Variants in RABGAP1L observed in about 807,000 individuals in gnomAD.
RABGAP1L encodes rab GTPase-activating protein 1-like.
A neutral mutation model predicts 137.7 loss-of-function variants in RABGAP1L; 63 were observed. The ratio of observed to expected loss-of-function variants is 0.46; its 90% confidence interval spans 0.37 to 0.56. The LOEUF (loss-of-function observed/expected upper bound fraction) is 0.56, where lower values mean the gene tolerates loss of function less well. Among genes scored for constraint, RABGAP1L ranks in the 20% least tolerant of loss-of-function variants. The pLI, the probability that RABGAP1L is intolerant of heterozygous loss-of-function variation, is 0.00. For missense variants in RABGAP1L, 1,095 were observed against 1,244.0 expected (o/e 0.88, Z 1.80); for synonymous variants, 431 against 433.7 (o/e 0.99, Z 0.08).
chr1:174,888,322 C>A (rs1331235797), intron 19 of RABGAP1L, among the ~76,000 whole-genome samples: 1 of 152,082 alleles, frequency 6.6e-6, no homozygotes, highest in Non-Finnish European at 1.5e-5. Context: ...TTTTTTCCAT[C>A]TAAGTTCAAT....
chr1:174,417,257 A>C (rs1007695281), intron 13 of RABGAP1L, among the ~76,000 whole-genome samples: 4 of 152,176 alleles, frequency 2.6e-5, no homozygotes, highest in African/African-American at 9.6e-5. Context: ...TTATGAAGCC[A>C]ATTTGAATTG....
intron 18 of RABGAP1L, among the ~76,000 whole-genome samples, chr1:174,789,988 A>C (rs1687728639): frequency 6.6e-6 from 1 of 152,110 alleles, no homozygotes; most frequent in Admixed American, 6.6e-5. Context: ...TGTGCAGAGC[A>C]CTGGAGGCCA....
chr1:174,662,614 G>A (rs950785403), intron 14 of RABGAP1L, among the ~76,000 whole-genome samples: 2 of 151,888 alleles, frequency 1.3e-5, no homozygotes, highest in Non-Finnish European at 2.9e-5. Context: ...GGCTGGTCTC[G>A]AACTCCTGAC....
intron 11 of RABGAP1L, among the ~76,000 whole-genome samples, chr1:174,351,609 C>T (rs1683196151): frequency 6.6e-6 from 1 of 152,034 alleles, no homozygotes; most frequent in Non-Finnish European, 1.5e-5. Flanking sequence ...TTATTCTTGA[C>T]CTTTGGGTGT....
intron 19 of RABGAP1L, among the ~76,000 whole-genome samples, chr1:174,846,576 A>G (rs1466444916): frequency 1.2e-5 from 1 of 80,340 alleles, no homozygotes; most frequent in Non-Finnish European, 3.3e-5. Flanking sequence ...GTTTGATTGC[A>G]CTGTGGTCTG....
chr1:174,899,590 A>G (rs1657805229), intron 19 of RABGAP1L, among the ~76,000 whole-genome samples: 2 of 152,138 alleles, frequency 1.3e-5, no homozygotes, highest in African/African-American at 4.8e-5. Flanking sequence ...CCCTGAGAGG[A>G]TCATGTCTAG....
At chr1:174,638,176 A>G (rs745886404) in intron 14 of RABGAP1L, among the ~76,000 whole-genome samples, 2 of 152,198 alleles carry the variant, frequency 1.3e-5, no homozygotes, top group Admixed American at 6.5e-5. Context: ...TGAATAATGA[A>G]CTGCACAAAA....
rs1225304989 is a variant in RABGAP1L at position 174,195,727 on chromosome 1, TTTC to T, written c.-33-23395_-33-23393del. Among the ~76,000 whole-genome samples the T allele has an allele frequency of 1.3e-4, 13 of 100,924 alleles. No individual in the cohort carries two copies. The East Asian group carries it at 2.3e-3, about 18-fold the overall frequency. 66.2% of individuals were successfully genotyped at this position (100,924 alleles called of 152,430 possible). A position where few individuals can be genotyped will look rare whatever the true frequency, so the allele number is the denominator to read the frequency against. ...TTCCTTCTTTCTTTTCTTTCTTTTC[TTTC>T]TTTTCTTTCTTTCTTTCTTTCTCTC... is the stretch of plus-strand genomic sequence containing the variant. On this transcript the variant is annotated intron_variant, in intron 1 of 25. Transcript: ENST00000681986.
chr1:174,905,656 G>T (rs914050788), intron 19 of RABGAP1L, among the ~76,000 whole-genome samples: 2 of 152,082 alleles, frequency 1.3e-5, no homozygotes, highest in Admixed American at 6.6e-5. Flanking sequence ...TTCGAGACCA[G>T]CGTGGCCAAC....
rs148633940 is a variant in RABGAP1L at position 174,793,220 on chromosome 1, A to G, written c.2212-18612A>G. On this transcript the variant is annotated intron_variant, in intron 18 of 25. Transcript: ENST00000681986. ...CAGACCATAAGACATTCTTACATTA[A>G]TAAAGGCATTACAGTAGAATCTGAT... is the stretch of plus-strand genomic sequence containing the variant. Among the ~76,000 whole-genome samples, 58 of 152,348 alleles carry G rather than the reference A, an allele frequency of 3.8e-4. 2 individuals carry two copies. The highest frequency in any genetic ancestry group is 1.3e-3 in the African/African-American group (56 of 41,590).
chr1:174,569,183 A>T (rs946522958), intron 13 of RABGAP1L, among the ~76,000 whole-genome samples: 4 of 152,196 alleles, frequency 2.6e-5, no homozygotes, highest in Non-Finnish European at 5.9e-5. Flanking sequence ...GATGACTCCA[A>T]GTGAAAAACC....
At chr1:174,891,186 A>G (rs1371985029) in intron 19 of RABGAP1L, among the ~76,000 whole-genome samples, 1 of 152,202 alleles carries the variant, frequency 6.6e-6, no homozygotes, top group African/African-American at 2.4e-5. Flanking sequence ...AGGGGACGGG[A>G]AAGATGTTCC....
In RABGAP1L at chr1:174,872,347, C is replaced by A. The variant is rs145794471; in HGVS notation, c.2340+60387C>A. On this transcript the variant is annotated intron_variant, in intron 19 of 25. Coordinates refer to ENST00000681986, the MANE Select transcript of RABGAP1L (RefSeq NM_001366446.1). ...TTGTTCTTTTCCCATTGTAAAAACT[C>A]AGTAGGTGTTACTAGACTATTCTGA... is the stretch of plus-strand genomic sequence containing the variant. Among the ~76,000 whole-genome samples, 4 of 152,168 alleles carry A rather than the reference C, an allele frequency of 2.6e-5. No homozygotes were observed. The East Asian group carries it at 7.7e-4, about 29-fold the overall frequency.
intron 18 of RABGAP1L, 137 bp from the exon 19 acceptor site, chr1:174,811,695 A>G (rs1689885643): frequency 1.2e-6 from 1 of 827,280 alleles, no homozygotes; most frequent in Non-Finnish European, 1.7e-6. Flanking sequence ...TGTTAGAAAT[A>G]TCTTCTTAAA....
chr1:174,684,160 G>A (rs1678291878), intron 15 of RABGAP1L, among the ~76,000 whole-genome samples: 1 of 152,148 alleles, frequency 6.6e-6, no homozygotes, highest in South Asian at 2.1e-4. Flanking sequence ...TTATTTTTCT[G>A]ATGACAAAAA....
At position 174,445,002 on chromosome 1, in the gene RABGAP1L, A is replaced by G. The variant is rs151218197; in HGVS notation, c.1710+50857A>G. On this transcript the variant is annotated intron_variant, in intron 13 of 25. Transcript: ENST00000681986. Reference sequence around the variant, plus strand: ...GCAAGTTATACTTACTATCTCTACTATCTGCTTTCTTCATTTGGAAAATGA... The same window carrying G: ...GCAAGTTATACTTACTATCTCTACTGTCTGCTTTCTTCATTTGGAAAATGA... 2.5e-3 allele frequency among the ~76,000 whole-genome samples: 381 copies of G among 152,160 alleles called. 2 individuals carry two copies. The highest frequency in any genetic ancestry group is 8.4e-3 in the African/African-American group (348 of 41,542).
rs1052546698 is a variant in RABGAP1L at position 174,761,441 on chromosome 1, C to T, written c.2211+9087C>T. 1.3e-5 allele frequency among the ~76,000 whole-genome samples: 2 copies of T among 152,052 alleles called. No individual in the cohort carries two copies. The highest frequency in any genetic ancestry group is 6.6e-5 in the Admixed American group (1 of 15,266). ...CCAGGCAGAGGCGCTCCTCAGTTTT[C>T]AGACGGTGCAGCCGCCAGGCAGAGG... is the stretch of plus-strand genomic sequence containing the variant. On this transcript the variant is annotated intron_variant, in intron 18 of 25. Transcript: ENST00000681986. This position sits in a 1 kb window ranked among gnomAD's most constrained non-coding sequence, Gnocchi z 4.0.
At chr1:174,467,918 G>A (rs1203054858) in intron 13 of RABGAP1L, among the ~76,000 whole-genome samples, 1 of 152,066 alleles carries the variant, frequency 6.6e-6, no homozygotes, top group African/African-American at 2.4e-5. Flanking sequence ...AATTGATGAG[G>A]ATCCATGAGT....
At chr1:174,547,302 A>G (rs997152279) in intron 13 of RABGAP1L, among the ~76,000 whole-genome samples, 5 of 152,018 alleles carry the variant, frequency 3.3e-5, no homozygotes, top group African/African-American at 1.2e-4. Context: ...ATTATTTTTA[A>G]GGTGGTAGAG....
Sources: gnomAD v4.1 joint callset for allele counts (sites outside exome capture counted in the v4.1 genomes callset) on GRCh38, gnomAD v4.1.1 for gene constraint, Gnocchi (gnomAD v3.1) non-coding constraint, MANE v1.5 for transcripts, NCBI Gene and HGNC (gene_info 2026-07-23, HGNC 2026-07-21) for gene names.